TMEM222: variants seen among roughly 807,000 people sequenced by gnomAD.
TMEM222 encodes the protein transmembrane protein 222.
Under a neutral mutation model 25.1 loss-of-function variants are expected in TMEM222, and 18 were observed. The ratio of observed to expected loss-of-function variants is 0.72; its 90% CI spans 0.50 to 1.06. The LOEUF (loss-of-function observed/expected upper bound fraction) is 1.06, where lower values mean the gene tolerates loss of function less well. Among genes scored for constraint, TMEM222 ranks in the 50% least tolerant of loss-of-function variants. The pLI, the probability that TMEM222 is intolerant of heterozygous loss-of-function variation, is 0.00. For missense variants in TMEM222, 296 were observed against 293.7 expected (o/e 1.01, Z -0.06); for synonymous variants, 131 against 117.9 (o/e 1.11, Z -0.72).
intron 2 of TMEM222, 99 bp from the exon 3 acceptor site, chr1:27,331,971 T>C: frequency 1.3e-6 from 1 of 793,502 alleles, no homozygotes. Context: ...ACCCCTGACA[T>C]ACCCTCTTCT....
In TMEM222 at chr1:27,322,190, C is replaced by G; in HGVS notation, c.-8C>G. 2 of 1,381,486 alleles carry G rather than the reference C, an allele frequency of 1.4e-6. No homozygotes were observed. Among genetic ancestry groups the G allele is most frequent in the Admixed American group, 3.4e-5 (1 of 29,764 alleles). 85.6% of individuals were successfully genotyped at this position (1,381,486 alleles called of 1,614,324 possible). A position where few individuals can be genotyped will look rare whatever the true frequency, so the allele number is the denominator to read the frequency against. Reference sequence around the variant, plus strand: ...AGCCGGGGCCAGTCGGAGCGGGGCGCGCGCCGCATGGCGGAAGCGGAAGGG... The same window carrying G: ...AGCCGGGGCCAGTCGGAGCGGGGCGGGCGCCGCATGGCGGAAGCGGAAGGG... On this transcript the variant is annotated 5_prime_UTR_variant, in exon 1 of 6. Coordinates refer to ENST00000374076, the MANE Select transcript of TMEM222 (RefSeq NM_032125.3).
intron 1 of TMEM222, among the ~76,000 whole-genome samples, chr1:27,325,993 G>A (rs180777698): frequency 6.6e-6 from 1 of 152,160 alleles, no homozygotes; most frequent in African/African-American, 2.4e-5. Context: ...TTGTATTCAA[G>A]TTAACTGTTC....
chr1:27,323,993 A>T (rs1220302562), intron 1 of TMEM222, among the ~76,000 whole-genome samples: 2 of 152,166 alleles, frequency 1.3e-5, no homozygotes, highest in Admixed American at 1.3e-4. Flanking sequence ...AGAGCACCTG[A>T]TAGTGATGAG....
Position 27,322,180 on chromosome 1 carries a change from G to C in TMEM222, c.-18G>C, listed in dbSNP as rs1571001422. Reference sequence around the variant, plus strand: ...GCGGCACCAGAGCCGGGGCCAGTCGGAGCGGGGCGCGCGCCGCATGGCGGA... The same window carrying C: ...GCGGCACCAGAGCCGGGGCCAGTCGCAGCGGGGCGCGCGCCGCATGGCGGA... On this transcript the variant is annotated 5_prime_UTR_variant, in exon 1 of 6. Transcript: ENST00000374076. 2 of 1,380,680 alleles carry C rather than the reference G, an allele frequency of 1.4e-6. No individual in the cohort carries two copies. Among genetic ancestry groups the C allele is most frequent in the Non-Finnish European group, 9.5e-7 (1 of 1,056,006 alleles). The allele number at this position is 1,380,680 out of a possible 1,614,324, so 85.5% of individuals were successfully genotyped here.
At chr1:27,331,924 C>T in intron 2 of TMEM222, 146 bp from the exon 3 acceptor site, 1 of 868,636 alleles carries the variant, frequency 1.2e-6, no homozygotes. Context: ...CCATGCCAGC[C>T]CCAGGGCAGG....
chr1:27,333,101 C>G (rs1389151311), intron 3 of TMEM222: 1 of 339,254 alleles, frequency 2.9e-6, no homozygotes, highest in East Asian at 7.5e-5. Flanking sequence ...GGCAAGCTGC[C>G]TGGGAGACTA....
chr1:27,331,167 G>C, intron 2 of TMEM222: 1 of 1,127,314 alleles, frequency 8.9e-7, no homozygotes, highest in South Asian at 2.5e-5. Context: ...GACACGGGAG[G>C]CTGATTCGGT....
chr1:27,332,197 G>A, intron 3 of TMEM222, 96 bp downstream of exon 3: 1 of 1,439,654 alleles, frequency 6.9e-7, no homozygotes, highest in Non-Finnish European at 9.8e-7. Context: ...CCAGCACCCT[G>A]AGAATAGAGT....
intron 1 of TMEM222, chr1:27,325,258 T>C: frequency 2.0e-6 from 1 of 501,902 alleles, no homozygotes; most frequent in Non-Finnish European, 3.7e-6. Flanking sequence ...ATTGGAACGA[T>C]ACAGAGAAGA....
chr1:27,334,362 G>C, intron 5 of TMEM222, 81 bp downstream of exon 5: 1 of 1,586,906 alleles, frequency 6.3e-7, no homozygotes, highest in Admixed American at 1.7e-5. Flanking sequence ...CATTCCTAGC[G>C]TCCTTCAGTC....
At chr1:27,325,845 A>C (rs905738346) in intron 1 of TMEM222, 10 of 791,036 alleles carry the variant, frequency 1.3e-5, no homozygotes, top group Middle Eastern at 7.1e-4. Context: ...TTAATTCAGA[A>C]GTATAAATTG....
rs2014493569 is a variant in TMEM222, at chr1:27,332,110, T to G, written c.311+9T>G. On this transcript the variant is annotated intron_variant, in intron 3 of 5. Transcript: ENST00000374076. ...TTTGGAAAGCCTGCCAAGTAAGTGA[T>G]GAACACCCATGTGACTGGCTCTAGA... 6.2e-7 allele frequency: 1 copy of G among 1,614,128 alleles called. No individual in the cohort carries two copies. Among genetic ancestry groups the G allele is most frequent in the Admixed American group, 1.7e-5 (1 of 60,012 alleles).
intron 1 of TMEM222, among the ~76,000 whole-genome samples, 154 bp from the exon 2 acceptor site, chr1:27,330,566 G>A (rs2014454743): frequency 2.0e-5 from 3 of 152,168 alleles, no homozygotes; most frequent in Admixed American, 2.0e-4. Context: ...ACCCTTGTCT[G>A]TGCTTCCCCA....
rs75779412 is a variant in TMEM222, at chr1:27,334,170, A to G, written c.428A>G (p.Asn143Ser). 9.3e-6 allele frequency: 15 copies of G among 1,614,048 alleles called. No homozygotes were observed. The highest frequency in any genetic ancestry group is 2.2e-5 in the South Asian group (2 of 91,090). The change falls in exon 5 of 6, where the codon AAC (asparagine) becomes AGC (serine). Residue 143 changes from asparagine (N) to serine (S), a missense_variant. Physicochemically the swap from Asn to Ser is conservative, Grantham distance 46. Coordinates refer to ENST00000374076, the MANE Select transcript of TMEM222 (RefSeq NM_032125.3). Reference sequence around the variant, plus strand: ...CTCCAGCACAATCTCTGCTGTGACAACTGCCACTCGCACGTGGCATTGGCC... The same window carrying G: ...CTCCAGCACAATCTCTGCTGTGACAGCTGCCACTCGCACGTGGCATTGGCC... ...KHRMHNLCCD[N>S]CHSHVALALN...
intron 3 of TMEM222, chr1:27,332,826 AG>A: frequency 2.5e-6 from 1 of 407,822 alleles, no homozygotes; most frequent in Non-Finnish European, 4.5e-6. Flanking sequence ...CTGGGCCACC[AG>A]GTGTTCGCTG....
intron 2 of TMEM222, 59 bp downstream of exon 2, chr1:27,330,863 TC>T: frequency 6.2e-7 from 1 of 1,602,716 alleles, no homozygotes; most frequent in Non-Finnish European, 8.5e-7. Context: ...GGCTGTCCTG[TC>T]TTGCCTGCAG....
chr1:27,323,759 T>C (rs553356554), intron 1 of TMEM222, among the ~76,000 whole-genome samples: 88 of 152,306 alleles, frequency 5.8e-4, no homozygotes, highest in African/African-American at 1.9e-3. Context: ...GGCAACACAG[T>C]GAAACTCCGT....
Position 27,322,349 on chromosome 1 carries a change from G to C in TMEM222, c.152G>C (p.Arg51Pro). ...GTCGCCATGGATGTGGAACGGAGTCGCTTCCCCTACTGCGTGGTGTGGACG... is the reference window on the plus strand; with the variant it reads ...GTCGCCATGGATGTGGAACGGAGTCCCTTCCCCTACTGCGTGGTGTGGACG... Reference protein sequence around the residue: ...GGVAMDVERSRFPYCVVWTPI... With the variant: ...GGVAMDVERSPFPYCVVWTPI... Residue 51 changes from arginine to proline, a missense_variant, in exon 1 of 6, where the codon CGC becomes CCC. Transcript: ENST00000374076. The C allele has an allele frequency of 6.6e-7, 1 of 1,524,574 alleles. No individual in the cohort carries two copies. 94.4% of individuals were successfully genotyped at this position (1,524,574 alleles called of 1,614,324 possible).
intron 1 of TMEM222, among the ~76,000 whole-genome samples, chr1:27,324,578 C>T (rs1172052803): frequency 1.3e-5 from 2 of 152,194 alleles, no homozygotes; most frequent in Non-Finnish European, 2.9e-5. Flanking sequence ...ATGAATAAGA[C>T]ACTGTGTTCC....
Sources: allele counts gnomAD v4.1 joint callset (sites outside exome capture counted in the v4.1 genomes callset), GRCh38; gene constraint gnomAD v4.1.1; transcripts MANE v1.5; gene names NCBI Gene and HGNC (gene_info 2026-07-23, HGNC 2026-07-21).